The following SPTBN1 variants were observed in gnomAD, a reference collection of about 807,000 sequenced individuals.
The protein encoded by SPTBN1 is spectrin beta chain, non-erythrocytic 1.
In SPTBN1, 32 loss-of-function variants were observed where a neutral mutation model predicts 266.4. The ratio of observed to expected loss-of-function variants is 0.12; its 90% CI spans 0.09 to 0.16. The LOEUF is 0.16. Among genes scored for constraint, SPTBN1 ranks in the 10% least tolerant of loss-of-function variants. The pLI is 1.00. For missense variants in SPTBN1, 2,296 were observed against 3,067.1 expected (o/e 0.75, Z 5.94); for synonymous variants, 1,336 against 1,162.2 (o/e 1.15, Z -3.04).
chr2:54,512,536 C>T (rs770373008), intron 1 of SPTBN1, among the ~76,000 whole-genome samples: 5 of 152,098 alleles, frequency 3.3e-5, no homozygotes, highest in South Asian at 2.1e-4. Flanking sequence ...ATCTTAAAAT[C>T]GTCTACATTT....
At chr2:54,539,369 G>T (rs1217390623) in intron 2 of SPTBN1, among the ~76,000 whole-genome samples, 2 of 152,146 alleles carry the variant, frequency 1.3e-5, no homozygotes, top group Admixed American at 1.3e-4. Context: ...ACATTAAAAT[G>T]CATTATAAAA....
chr2:54,460,637 T>G (rs1336643106), intron 1 of SPTBN1, among the ~76,000 whole-genome samples: 1 of 152,214 alleles, frequency 6.6e-6, no homozygotes, highest in Non-Finnish European at 1.5e-5. Flanking sequence ...GTCCAGTCTT[T>G]TCTTAGAGTT....
At chr2:54,636,585 C>G (rs1679158940) in intron 17 of SPTBN1, among the ~76,000 whole-genome samples, 1 of 152,192 alleles carries the variant, frequency 6.6e-6, no homozygotes, top group South Asian at 2.1e-4. Flanking sequence ...AGACACCGGT[C>G]AGCAGCACGT....
intron 1 of SPTBN1, among the ~76,000 whole-genome samples, chr2:54,485,926 C>G (rs1406750733): frequency 6.7e-6 from 1 of 150,318 alleles, no homozygotes; most frequent in Non-Finnish European, 1.5e-5. Flanking sequence ...GCCGCCCCGT[C>G]TGAGAAGTGA....
chr2:54,659,532 T>TC (rs1280360348), intron 31 of SPTBN1, among the ~76,000 whole-genome samples: 8 of 152,294 alleles, frequency 5.3e-5, no homozygotes, highest in South Asian at 2.1e-4. Context: ...CACAGGATGC[T>TC]CAGAACTTCC....
chr2:54,592,154 C>T (rs1402047683), intron 2 of SPTBN1, among the ~76,000 whole-genome samples: 1 of 151,996 alleles, frequency 6.6e-6, no homozygotes, highest in Non-Finnish European at 1.5e-5. Flanking sequence ...GTGACAGACT[C>T]CTTCTCTAAT....
rs934723077 is a variant in SPTBN1 at position 54,558,316 on chromosome 2, T to C, written c.148+31750T>C. On this transcript the variant is annotated intron_variant, in intron 2 of 35. Transcript: ENST00000356805. The surrounding 1 kb of genome is among the most constrained non-coding windows in gnomAD (Gnocchi z 4.6). The stretch of plus-strand genomic sequence containing the variant: ...ATACAATGCTGTTATGCTAATCAGG[T>C]GACATCACCGCCCAGCACACGGCGA... 4.6e-5 allele frequency: 46 copies of C among 990,318 alleles called. No individual in the cohort carries two copies. The highest frequency in any genetic ancestry group is 5.2e-5 in the Non-Finnish European group (43 of 833,170). The allele number at this position is 990,318 out of a possible 1,614,324, so 61.3% of individuals were successfully genotyped here.
chr2:54,605,284 G>T (rs1676766066), intron 3 of SPTBN1, among the ~76,000 whole-genome samples: 1 of 152,150 alleles, frequency 6.6e-6, no homozygotes, highest in East Asian at 1.9e-4. Context: ...CCTTTCACAT[G>T]GAAGCATGTA....
intron 1 of SPTBN1, among the ~76,000 whole-genome samples, chr2:54,475,166 A>G (rs927021313): frequency 2.0e-5 from 3 of 152,202 alleles, no homozygotes; most frequent in African/African-American, 7.2e-5. Context: ...AGATCGCGCC[A>G]CTGCACTCCA....
Position 54,629,980 on chromosome 2 carries a change from C to T in SPTBN1, c.2758C>T (p.His920Tyr). The T allele has an allele frequency of 6.2e-7, 1 of 1,614,118 alleles. No homozygotes were observed. The highest frequency in any genetic ancestry group is 2.2e-5 in the East Asian group (1 of 44,874). ...TGCACGCCAGCTGATGCACAGCGGC[C>T]ACCCAAGTGAGAAGGAAATCAAAGC... is the stretch of plus-strand genomic sequence containing the variant. ...QIARQLMHSG[H>Y]PSEKEIKAQQ... is the part of the protein sequence containing the mutation. The change falls in exon 15 of 36, where the codon CAC (histidine) becomes TAC (tyrosine). Residue 920 changes from histidine to tyrosine, a missense_variant. By Grantham distance (83) the His-to-Tyr change is moderately conservative (BLOSUM62 2). Transcript: ENST00000356805.
intron 10 of SPTBN1, among the ~76,000 whole-genome samples, chr2:54,623,846 G>T (rs1678152193): frequency 6.6e-6 from 1 of 152,210 alleles, no homozygotes; most frequent in African/African-American, 2.4e-5. Context: ...TATACACCTT[G>T]CTACTCAGAT....
intron 2 of SPTBN1, among the ~76,000 whole-genome samples, chr2:54,583,757 G>A (rs1232158632): frequency 6.6e-6 from 1 of 152,114 alleles, no homozygotes; most frequent in Non-Finnish European, 1.5e-5. Flanking sequence ...TTCATTGAAG[G>A]CAGCAGTACA....
intron 1 of SPTBN1, among the ~76,000 whole-genome samples, chr2:54,511,097 C>T (rs1454836203): frequency 6.6e-6 from 1 of 152,184 alleles, no homozygotes; most frequent in Non-Finnish European, 1.5e-5. Context: ...ACATACTTAA[C>T]TTATGGCTGT....
At chr2:54,661,458 G>A (rs1681036958) in intron 32 of SPTBN1, 2 of 985,666 alleles carry the variant, frequency 2.0e-6, no homozygotes, top group African/African-American at 1.7e-5. Context: ...CTTTTGTCAG[G>A]ATAACGTCAT....
chr2:54,598,865 A>G (rs1676281758), intron 2 of SPTBN1, among the ~76,000 whole-genome samples: 1 of 152,216 alleles, frequency 6.6e-6, no homozygotes, highest in African/African-American at 2.4e-5. Context: ...TTATGAGATT[A>G]TATCCCAGTA....
chr2:54,655,104 C>T lies in SPTBN1; in HGVS notation c.5857C>T (p.His1953Tyr). Residue 1953 changes from histidine (H) to tyrosine (Y), a missense_variant, in exon 28 of 36, where the codon CAT becomes TAT. His to Tyr is a moderately conservative substitution (Grantham distance 83, BLOSUM62 2). This residue lies in a region of SPTBN1 where 644 missense variants were observed against 745.3 expected (regional missense o/e 0.86). Transcript: ENST00000356805. The stretch of plus-strand genomic sequence containing the variant: ...ATCTGTTGAACTCTTAATGAATAAT[C>T]ATCAAGGCATCAAAGCTGAAATTGA... ...VSSVELLMNN[H>Y]QGIKAEIDAR... 1 of 1,614,136 alleles carries T rather than the reference C, an allele frequency of 6.2e-7. No homozygotes were observed.
intron 2 of SPTBN1, among the ~76,000 whole-genome samples, chr2:54,548,415 C>T (rs1672374452): frequency 6.6e-6 from 1 of 152,148 alleles, no homozygotes; most frequent in East Asian, 1.9e-4. Flanking sequence ...AGTTGGACAT[C>T]AGAGAACATA....
At chr2:54,463,883 C>G (rs914913130) in intron 1 of SPTBN1, among the ~76,000 whole-genome samples, 1 of 151,946 alleles carries the variant, frequency 6.6e-6, no homozygotes, top group African/African-American at 2.4e-5. Context: ...TTTAAACAAA[C>G]AATAAAATGC....
At chr2:54,567,784 C>G (rs141553759) in intron 2 of SPTBN1, among the ~76,000 whole-genome samples, 3 of 152,054 alleles carry the variant, frequency 2.0e-5, no homozygotes, top group South Asian at 2.1e-4. Flanking sequence ...GCTTTATTCT[C>G]TCTCTATATA....
Sources: allele counts gnomAD v4.1 joint callset (sites outside exome capture counted in the v4.1 genomes callset), GRCh38; gene constraint gnomAD v4.1.1; regional missense constraint gnomAD v4.1.1; non-coding constraint Gnocchi (gnomAD v3.1); transcripts MANE v1.5; gene names NCBI Gene and HGNC (gene_info 2026-07-23, HGNC 2026-07-21).